The following ACAP3 variants were observed in gnomAD, a reference collection of about 807,000 sequenced individuals.
ACAP3 encodes arf-GAP with coiled-coil, ANK repeat and PH domain-containing protein 3.
In ACAP3, 56 loss-of-function variants were observed where a neutral mutation model predicts 104.1. The observed-to-expected ratio is 0.54, with a 90% confidence interval of 0.43 to 0.67. ACAP3 has a LOEUF of 0.67. ACAP3 is among the 30% of genes least tolerant of loss of function. The probability of loss-of-function intolerance (pLI) is 0.00; values close to 1 mark genes in which losing one functional copy is unlikely to be tolerated. For missense variants in ACAP3, 1,208 were observed against 1,174.9 expected, an observed-to-expected ratio of 1.03 and a Z score of -0.41; for synonymous variants, 628 against 496.2, an observed-to-expected ratio of 1.27 and a Z score of -3.53.
intron 20 of ACAP3, 28 bp downstream of exon 20, chr1:1,294,690 C>T: frequency 6.5e-7 from 1 of 1,547,402 alleles, no homozygotes; most frequent in Non-Finnish European, 8.7e-7. Flanking sequence ...TGGGCAGGGG[C>T]CTCGGGCGAG....
At position 1,295,723 on chromosome 1, in the gene ACAP3, C is replaced by A. The variant is rs757283618; in HGVS notation, c.1705+13G>T. 3.1e-6 allele frequency: 5 copies of A among 1,591,624 alleles called. No homozygotes were observed. Among genetic ancestry groups the A allele is most frequent in the Non-Finnish European group, 3.4e-6 (4 of 1,169,948 alleles). On this transcript the variant is annotated intron_variant, in intron 18 of 23. Transcript: ENST00000354700. ...CAAGCCCCTCCCAGCCCTGCCGGGG[C>A]ATGGCCTCCCACCTGAGGACAGAGC...
In ACAP3 at chr1:1,294,583, G is replaced by C. The variant is rs1301261197; in HGVS notation, c.1958C>G (p.Thr653Ser). 1.3e-6 allele frequency: 2 copies of C among 1,514,258 alleles called. No homozygotes were observed. The highest frequency in any genetic ancestry group is 8.8e-7 in the Non-Finnish European group (1 of 1,138,312). The allele number at this position is 1,514,258 out of a possible 1,614,324, so 93.8% of individuals were successfully genotyped here. A position where few individuals can be genotyped will look rare whatever the true frequency, so the allele number is the denominator to read the frequency against. ...EESSGEADGD[T>S]EAEAWGLADV... ...CGCCAGGCCCCAGGCCTCGGCCTCA[G>C]TGTCCCCGTCTGCCTCACCGCTGGA... Residue 653 changes from threonine to serine, a missense_variant, in exon 21 of 24, where the codon ACT becomes AGT. Thr to Ser is a moderately conservative substitution (Grantham distance 58). Coordinates refer to ENST00000354700, the MANE Select transcript of ACAP3 (RefSeq NM_030649.3).
chr1:1,299,843 G>A lies in ACAP3; in HGVS notation c.726C>T (p.Ala242=). 1 of 1,551,040 alleles carries A rather than the reference G, an allele frequency of 6.4e-7. No individual in the cohort carries two copies. Among genetic ancestry groups the A allele is most frequent in the East Asian group, 2.4e-5 (1 of 41,128 alleles). The part of the protein sequence containing the change: ...EKREMERKHA[A]IQQRTLLQDF... The stretch of plus-strand genomic sequence containing the variant: ...TGCGCGGCCTCACCCGCTGCTGGAT[G>A]GCGGCGTGCTTTCGCTCCATCTCAC... The change falls in exon 9 of 24, where the codon GCC becomes GCT. Residue 242 remains alanine (A), a synonymous_variant. Coordinates refer to ENST00000354700, the MANE Select transcript of ACAP3 (RefSeq NM_030649.3).
chr1:1,305,914 C>G (rs1380345025), intron 1 of ACAP3: 2 of 152,244 alleles, frequency 1.3e-5, no homozygotes, highest in African/African-American at 4.8e-5. Context: ...CTGGGGCGAC[C>G]AGGCTCCACG....
intron 1 of ACAP3, chr1:1,305,155 C>A (rs1007228873): frequency 6.6e-6 from 1 of 152,418 alleles, no homozygotes; most frequent in South Asian, 2.1e-4. Context: ...GCTGCAGGCA[C>A]CAGGCTGCCC....
rs760331537 is a variant in ACAP3 at position 1,295,552 on chromosome 1, C to T, written c.1708G>A (p.Gly570Ser). Residue 570 changes from glycine to serine, a missense_variant and splice_region_variant, in exon 19 of 24, where the codon GGC (glycine) becomes AGC (serine). Transcript: ENST00000354700. ...CGGCGGAACTTACGATCCAGGGTGC[C>T]CACTGCAGGGGCAGTGCGTGTTCAG... ...LPCVAALSSV[G>S]TLDRKFRRDS... 6.2e-7 allele frequency: 1 copy of T among 1,612,396 alleles called. No individual in the cohort carries two copies. Among genetic ancestry groups the T allele is most frequent in the East Asian group, 2.2e-5 (1 of 44,850 alleles).
Position 1,299,796 on chromosome 1 carries a change from G to A in ACAP3, c.738+35C>T, listed in dbSNP as rs1265604214. 11 of 1,531,234 alleles carry A rather than the reference G, an allele frequency of 7.2e-6. No homozygotes were observed. The highest frequency in any genetic ancestry group is 4.9e-5 in the East Asian group (2 of 40,584). 94.9% of individuals were successfully genotyped at this position (1,531,234 alleles called of 1,614,324 possible). A position where few individuals can be genotyped will look rare whatever the true frequency, so the allele number is the denominator to read the frequency against. ...GTGAGGACGCAGGGGCCTCCCAGGC[G>A]CCTGGTGTGCAGGGAGCCGGCTGCG... On this transcript the variant is annotated intron_variant, in intron 9 of 23. Transcript: ENST00000354700.
At chr1:1,305,570 G>C (rs1478928549) in intron 1 of ACAP3, 4 of 152,186 alleles carry the variant, frequency 2.6e-5, no homozygotes, top group Non-Finnish European at 4.4e-5. Flanking sequence ...GTGCTCATGG[G>C]GACAGGGTGG....
At chr1:1,306,567 C>T (rs541154013) in intron 1 of ACAP3, among the ~76,000 whole-genome samples, 9 of 152,332 alleles carry the variant, frequency 5.9e-5, no homozygotes, top group African/African-American at 2.2e-4. Context: ...TCCAAGGCTC[C>T]TGAGCCTCCT....
At chr1:1,299,240 G>A (rs965690808) in intron 10 of ACAP3, 105 bp downstream of exon 10, 66 of 1,406,744 alleles carry the variant, frequency 4.7e-5, no homozygotes, top group South Asian at 1.4e-4. Context: ...AGACTGGTGG[G>A]AGGTGTCCTT....
intron 4 of ACAP3, 94 bp downstream of exon 4, chr1:1,302,803 CCCCCGACTAGAGGAGCAGAAACGTG>C: frequency 3.0e-6 from 1 of 329,516 alleles, no homozygotes. Flanking sequence ...ATTCCCCCCC[CCCCCGACTAGAGGAGCAGAAACGTG>C]CCCCCCCCAA....
chr1:1,297,849 G>A lies in ACAP3; in HGVS notation c.1101C>T (p.Arg367=), dbSNP rs575426815. The A allele has an allele frequency of 5.6e-6, 9 of 1,611,766 alleles. No homozygotes were observed. The highest frequency in any genetic ancestry group is 1.1e-5 in the South Asian group (1 of 91,058). ...CGCTATAGCAACTGTCAGGGCTCTC[G>A]CGGTAGGCGGAGGCGATGCTGGCCT... ...AVQASIASAY[R]ESPDSCYSER... Residue 367 remains arginine (R), a synonymous_variant, in exon 14 of 24, where the codon CGC becomes CGT. Coordinates refer to ENST00000354700, the MANE Select transcript of ACAP3 (RefSeq NM_030649.3).
At position 1,294,539 on chromosome 1, in the gene ACAP3, G is replaced by A. The variant is rs1303803244; in HGVS notation, c.2002C>T (p.Pro668Ser). Residue 668 changes from proline (P) to serine (S), a missense_variant, in exon 21 of 24, where the codon CCG becomes TCG. Transcript: ENST00000354700. ...WGLADVRELH[P>S]GLLAHRAARA... ...GCTGCGCGGTGCGCCAAGAGCCCCG[G>A]GTGCAGCTCGCGCACGTCCGCCAGG... 1 of 1,496,440 alleles carries A rather than the reference G, an allele frequency of 6.7e-7. No individual in the cohort carries two copies. Among genetic ancestry groups the A allele is most frequent in the Non-Finnish European group, 8.8e-7 (1 of 1,133,224 alleles). The allele number at this position is 1,496,440 out of a possible 1,614,324, so 92.7% of individuals were successfully genotyped here.
chr1:1,301,869 C>A, intron 5 of ACAP3, 119 bp downstream of exon 5: 1 of 953,638 alleles, frequency 1.0e-6, no homozygotes, highest in African/African-American at 1.7e-5. Context: ...CCTTGTGGAG[C>A]CGCTGCACAG....
rs773833712 is a variant in ACAP3, at chr1:1,295,532, G to A, written c.1728C>T (p.Phe576=). ...CGGGACAGAAGAGGGAGTCTCGGCGGAACTTACGATCCAGGGTGCCCACTG... is the reference window on the plus strand; with the variant it reads ...CGGGACAGAAGAGGGAGTCTCGGCGAAACTTACGATCCAGGGTGCCCACTG... ...LSSVGTLDRK[F]RRDSLFCPDE... is the part of the protein sequence containing the mutation. Residue 576 remains phenylalanine (F), a synonymous_variant, in exon 19 of 24, where the codon TTC becomes TTT. Coordinates refer to ENST00000354700, the MANE Select transcript of ACAP3 (RefSeq NM_030649.3). The A allele has an allele frequency of 1.2e-6, 2 of 1,612,542 alleles. No individual in the cohort carries two copies. Among genetic ancestry groups the A allele is most frequent in the Admixed American group, 1.7e-5 (1 of 59,994 alleles).
Position 1,298,626 on chromosome 1 carries a change from C to T in ACAP3, c.804G>A (p.Gly268=), listed in dbSNP as rs1387091442. ...TGAAGAGGTAGCCCTCCATCACCACCCCACTGGGCGCGTCCACGTCAAACT... is the reference window on the plus strand; with the variant it reads ...TGAAGAGGTAGCCCTCCATCACCACTCCACTGGGCGCGTCCACGTCAAACT... ...KVEFDVDAPS[G]VVMEGYLFKR... The change falls in exon 11 of 24, where the codon GGG becomes GGA. Residue 268 remains glycine (G), a synonymous_variant. Coordinates refer to ENST00000354700, the MANE Select transcript of ACAP3 (RefSeq NM_030649.3). The T allele has an allele frequency of 1.9e-6, 3 of 1,612,450 alleles. No homozygotes were observed. The highest frequency in any genetic ancestry group is 2.5e-6 in the Non-Finnish European group (3 of 1,179,818).
intron 9 of ACAP3, chr1:1,299,575 C>T (rs41306990): frequency 0.023 from 16,701 of 721,128 alleles, 236 homozygotes; most frequent in Non-Finnish European, 0.028. Flanking sequence ...CAAGCAAAGG[C>T]CCCGCAAGGA....
intron 1 of ACAP3, chr1:1,306,933 C>T (rs565379244): frequency 1.0e-5 from 4 of 381,664 alleles, no homozygotes. Context: ...CAGAAGCAAG[C>T]ACAGCCCCGT....
In ACAP3 at chr1:1,296,051, C is replaced by G. The variant is rs1287688403; in HGVS notation, c.1466G>C (p.Gly489Ala). 8 of 1,612,708 alleles carry G rather than the reference C, an allele frequency of 5.0e-6. No individual in the cohort carries two copies. The highest frequency in any genetic ancestry group is 6.8e-6 in the Non-Finnish European group (8 of 1,179,986). The stretch of plus-strand genomic sequence containing the variant: ...GGCTGTGGGTTTCCTGCTGCCTGCA[C>G]CCTCACACTGGGCCTCATAGATCTG... ...VNQIYEAQCE[G>A]AGSRKPTASS... is the part of the protein sequence containing the mutation. Residue 489 changes from glycine (G) to alanine (A), a missense_variant, in exon 17 of 24, where the codon GGT becomes GCT. Transcript: ENST00000354700.
Sources: gnomAD v4.1 joint callset for allele counts (sites outside exome capture counted in the v4.1 genomes callset) on GRCh38, gnomAD v4.1.1 for gene constraint, MANE v1.5 for transcripts, NCBI Gene and HGNC (gene_info 2026-07-23, HGNC 2026-07-21) for gene names.